The following PTN variants were observed in gnomAD, a reference collection of about 807,000 sequenced individuals.
PTN encodes heparin affin regulatory protein.
In PTN, 18 loss-of-function variants were observed where a neutral mutation model predicts 24.1. That is an observed-to-expected ratio of 0.75 (90% CI 0.52 to 1.11). The LOEUF (loss-of-function observed/expected upper bound fraction) is 1.11. Ranked by LOEUF, PTN falls within the 50% of genes least tolerant of loss-of-function variation. The probability of loss-of-function intolerance (pLI) is 0.00; values close to 1 mark genes in which losing one functional copy is unlikely to be tolerated. For missense variants in PTN, 163 were observed against 198.8 expected (o/e 0.82, Z 1.08); for synonymous variants, 78 against 68.6 (o/e 1.14, Z -0.67).
At chr7:137,315,232 C>G (rs2128880386) in intron 1 of PTN, among the ~76,000 whole-genome samples, 1 of 152,144 alleles carries the variant, frequency 6.6e-6, no homozygotes, top group Middle Eastern at 3.4e-3. Flanking sequence ...AAATTACTTA[C>G]TGAAGAAAAT....
chr7:137,243,046 C>G (rs1808659093), intron 4 of PTN, among the ~76,000 whole-genome samples: 1 of 152,232 alleles, frequency 6.6e-6, no homozygotes, highest in South Asian at 2.1e-4. Flanking sequence ...AAGCGATTCT[C>G]CTGCCTCAGC....
intron 1 of PTN, among the ~76,000 whole-genome samples, chr7:137,337,815 T>C (rs182911227): frequency 1.5e-4 from 23 of 152,194 alleles, no homozygotes; most frequent in African/African-American, 5.1e-4. Context: ...CCAGGTTGTT[T>C]GGTAAGGCAA....
intron 1 of PTN, among the ~76,000 whole-genome samples, chr7:137,267,299 T>TC: frequency 8.4e-6 from 1 of 119,236 alleles, no homozygotes; most frequent in South Asian, 3.1e-4. Flanking sequence ...TGTCTTTTCC[T>TC]CTCTCTTTGC....
At chr7:137,259,485 C>T (rs17169015) in intron 1 of PTN, among the ~76,000 whole-genome samples, 2,221 of 152,030 alleles carry the variant, frequency 0.015, 33 homozygotes, top group East Asian at 0.082. Flanking sequence ...GTAACAATTA[C>T]TTGAGAGACT....
intron 1 of PTN, among the ~76,000 whole-genome samples, chr7:137,311,218 G>A (rs1259939022): frequency 1.5e-5 from 2 of 137,238 alleles, no homozygotes; most frequent in Non-Finnish European, 3.2e-5. Flanking sequence ...GGTGACAGAG[G>A]GAGACTCCAT....
chr7:137,247,904 G>T (rs1808751829), intron 4 of PTN, among the ~76,000 whole-genome samples: 1 of 152,166 alleles, frequency 6.6e-6, no homozygotes, highest in Non-Finnish European at 1.5e-5. Context: ...GAAATCAGCA[G>T]AATACAAAAG....
intron 1 of PTN, among the ~76,000 whole-genome samples, chr7:137,295,143 A>G (rs1056099082): frequency 2.6e-5 from 4 of 152,124 alleles, no homozygotes; most frequent in Non-Finnish European, 1.5e-5. Context: ...CAGATTTTAG[A>G]GACTCTATGA....
chr7:137,318,882 C>T (rs1441577823), intron 1 of PTN: 1 of 152,200 alleles, frequency 6.6e-6, no homozygotes, highest in East Asian at 1.9e-4. Flanking sequence ...TAAGCATTGC[C>T]CTCAATAAGT....
intron 1 of PTN, among the ~76,000 whole-genome samples, chr7:137,322,963 C>T (rs1810189987): frequency 6.6e-6 from 1 of 152,216 alleles, no homozygotes. Context: ...CCTTTGGCCA[C>T]ACATGGAGAG....
chr7:137,253,493 A>C lies in PTN; in HGVS notation c.260T>G (p.Ile87Ser), dbSNP rs1458302541. The C allele has an allele frequency of 1.2e-6, 2 of 1,610,500 alleles. No individual in the cohort carries two copies. Among genetic ancestry groups the C allele is most frequent in the Admixed American group, 1.7e-5 (1 of 59,504 alleles). Residue 87 changes from isoleucine (I) to serine (S), a missense_variant, in exon 3 of 5, where the codon ATC becomes AGC. Transcript: ENST00000348225. ...KQTMKTQRCK[I>S]PCNWKKQFGA... ...AAATTGCTTCTTCCAGTTGCAGGGG[A>C]TCTTACATCTCTGGGTCTTCATGGT...
chr7:137,327,266 T>C (rs779837659), intron 1 of PTN, among the ~76,000 whole-genome samples: 14 of 152,216 alleles, frequency 9.2e-5, no homozygotes, highest in South Asian at 4.1e-4. Flanking sequence ...TGGAGAACCT[T>C]CAGTGATTCC....
chr7:137,284,198 C>A (rs930174405), intron 1 of PTN, among the ~76,000 whole-genome samples: 1 of 151,370 alleles, frequency 6.6e-6, no homozygotes, highest in Non-Finnish European at 1.5e-5. Flanking sequence ...CCTCGTGATC[C>A]GCCCGCCTCG....
At chr7:137,261,055 A>C (rs747044904) in intron 1 of PTN, among the ~76,000 whole-genome samples, 1 of 152,104 alleles carries the variant, frequency 6.6e-6, no homozygotes, top group East Asian at 1.9e-4. Flanking sequence ...GCTCTCTACT[A>C]TCATTAAAAT....
chr7:137,237,130 T>C (rs1157832174), intron 4 of PTN, among the ~76,000 whole-genome samples: 1 of 152,168 alleles, frequency 6.6e-6, no homozygotes. Flanking sequence ...AGTGAGAACA[T>C]ATTTTAGAGA....
intron 1 of PTN, among the ~76,000 whole-genome samples, chr7:137,310,888 G>A (rs1450997434): frequency 6.6e-6 from 1 of 152,090 alleles, no homozygotes; most frequent in South Asian, 2.1e-4. Context: ...ACCAATCTCT[G>A]CTGGCTTAAA....
chr7:137,307,630 A>T (rs1309812397), intron 1 of PTN, among the ~76,000 whole-genome samples: 1 of 152,142 alleles, frequency 6.6e-6, no homozygotes, highest in East Asian at 1.9e-4. Flanking sequence ...ATAAATATAC[A>T]TTACCTCCAC....
At chr7:137,234,774 T>G (rs1471913850) in intron 4 of PTN, among the ~76,000 whole-genome samples, 1 of 152,096 alleles carries the variant, frequency 6.6e-6, no homozygotes, top group Non-Finnish European at 1.5e-5. Flanking sequence ...TTACTTATTT[T>G]CAGATGGCCT....
At chr7:137,314,845 G>A (rs543370833) in intron 1 of PTN, among the ~76,000 whole-genome samples, 31 of 152,008 alleles carry the variant, frequency 2.0e-4, no homozygotes, top group South Asian at 1.0e-3. Flanking sequence ...CGCCCGCCTC[G>A]GCCTCCCAAA....
chr7:137,231,355 C>T (rs998834030), intron 4 of PTN, among the ~76,000 whole-genome samples: 60 of 151,788 alleles, frequency 4.0e-4, no homozygotes, highest in Non-Finnish European at 1.3e-4. Context: ...CCTTCTCCTA[C>T]TACCCCAATT....
Sources: gnomAD v4.1 joint callset for allele counts (sites outside exome capture counted in the v4.1 genomes callset) on GRCh38, gnomAD v4.1.1 for gene constraint, MANE v1.5 for transcripts, NCBI Gene and HGNC (gene_info 2026-07-23, HGNC 2026-07-21) for gene names.